The following MEIS1 variants were observed in gnomAD, a reference collection of about 807,000 sequenced individuals.
MEIS1 encodes Meis homeobox 1, also known as homeobox protein Meis1.
In MEIS1, 5 loss-of-function variants were observed where a neutral mutation model predicts 50.8. That is an observed-to-expected ratio of 0.10 (90% CI 0.05 to 0.21). The LOEUF (loss-of-function observed/expected upper bound fraction) is 0.21. Among genes scored for constraint, MEIS1 ranks in the 10% least tolerant of loss-of-function variants. The pLI is 1.00. For missense variants in MEIS1, 318 were observed against 517.3 expected (o/e 0.61, Z 3.74); for synonymous variants, 176 against 179.3 (o/e 0.98, Z 0.15).
intron 7 of MEIS1, among the ~76,000 whole-genome samples, chr2:66,500,626 T>C (rs537403901): frequency 6.6e-6 from 1 of 152,208 alleles, no homozygotes; most frequent in South Asian, 2.1e-4. Context: ...AGTTTCACCA[T>C]CTTGGCCAGG....
Position 66,512,207 on chromosome 2 carries a change from T to G in MEIS1, c.801T>G (p.Asp267Glu). The G allele has an allele frequency of 6.2e-7, 1 of 1,612,248 alleles. No homozygotes were observed. The highest frequency in any genetic ancestry group is 8.5e-7 in the Non-Finnish European group (1 of 1,179,120). The change falls in exon 8 of 13, where the codon GAT becomes GAG. Residue 267 changes from aspartate (D) to glutamate (E), a missense_variant. Physicochemically the swap from Asp to Glu is conservative, Grantham distance 45. This residue lies in a region of MEIS1 where 40 missense variants were observed against 102.8 expected (regional missense o/e 0.39). Transcript: ENST00000272369. Reference protein sequence around the residue: ...SPSTGDDDDPDKDKKRHKKRG... With the variant: ...SPSTGDDDDPEKDKKRHKKRG... ...GCACAGGTGACGATGATGACCCTGATAAGGACAAAAAGCGTCACAAAAAGC... is the reference window on the plus strand; with the variant it reads ...GCACAGGTGACGATGATGACCCTGAGAAGGACAAAAAGCGTCACAAAAAGC...
intron 9 of MEIS1, among the ~76,000 whole-genome samples, chr2:66,561,060 C>G (rs1465472860): frequency 6.6e-6 from 1 of 152,094 alleles, no homozygotes; most frequent in African/African-American, 2.4e-5. Flanking sequence ...TGAAGACCAA[C>G]AGTTATGGAT....
At chr2:66,536,340 A>G (rs2103905486) in intron 8 of MEIS1, among the ~76,000 whole-genome samples, 2 of 152,324 alleles carry the variant, frequency 1.3e-5, no homozygotes, top group Middle Eastern at 6.8e-3. Context: ...CTTCCCAAAC[A>G]TTATGTTCAC....
intron 7 of MEIS1, among the ~76,000 whole-genome samples, chr2:66,481,092 G>C (rs371678018): frequency 5.3e-5 from 8 of 152,170 alleles, no homozygotes; most frequent in African/African-American, 1.7e-4. Context: ...AGGCAAGTCT[G>C]CTGCCTCAGG....
intron 8 of MEIS1, among the ~76,000 whole-genome samples, chr2:66,542,855 AG>A (rs1296166782): frequency 6.6e-6 from 1 of 152,210 alleles, no homozygotes; most frequent in Non-Finnish European, 1.5e-5. Context: ...TTTGTAGCCA[AG>A]GGTGGAAATT....
At chr2:66,523,372 C>A (rs1196285165) in intron 8 of MEIS1, among the ~76,000 whole-genome samples, 1 of 152,184 alleles carries the variant, frequency 6.6e-6, no homozygotes, top group Non-Finnish European at 1.5e-5. Flanking sequence ...TAGAAACATT[C>A]TCCTATATTA....
At position 66,437,952 on chromosome 2, in the gene MEIS1, T is replaced by C; in HGVS notation, c.228T>C (p.Asp76=). The change falls in exon 2 of 13, where the codon GAT becomes GAC. Residue 76 remains aspartate, a synonymous_variant. Coordinates refer to ENST00000272369, the MANE Select transcript of MEIS1 (RefSeq NM_002398.3). Reference sequence around the variant, plus strand: ...ATGACGCTTTAAAGAGAGATAAAGATGCCATTTATGGGTAGGTACAATGGG... The same window carrying C: ...ATGACGCTTTAAAGAGAGATAAAGACGCCATTTATGGGTAGGTACAATGGG... ...SVNDALKRDK[D]AIYGHPLFPL... The C allele has an allele frequency of 6.4e-7, 1 of 1,572,658 alleles. No individual in the cohort carries two copies. The highest frequency in any genetic ancestry group is 8.6e-7 in the Non-Finnish European group (1 of 1,158,668).
intron 8 of MEIS1, among the ~76,000 whole-genome samples, chr2:66,516,123 G>T (rs1192714780): frequency 2.0e-5 from 3 of 152,004 alleles, no homozygotes; most frequent in African/African-American, 7.3e-5. Flanking sequence ...AAAAATCAAG[G>T]GTCTCTTTTC....
At chr2:66,569,275 T>G (rs1488159638) in intron 12 of MEIS1, 130 bp downstream of exon 12, 1 of 724,484 alleles carries the variant, frequency 1.4e-6, no homozygotes, top group Non-Finnish European at 2.2e-6. Flanking sequence ...GGTTTCTTGC[T>G]TCCATCATTT....
At chr2:66,470,222 G>A (rs1672733669) in intron 7 of MEIS1, among the ~76,000 whole-genome samples, 1 of 152,160 alleles carries the variant, frequency 6.6e-6, no homozygotes, top group Admixed American at 6.5e-5. Context: ...TTAGAGCATC[G>A]CAGCCCTGTG....
intron 6 of MEIS1, among the ~76,000 whole-genome samples, chr2:66,451,230 G>A (rs1335451091): frequency 3.3e-5 from 5 of 152,040 alleles, no homozygotes; most frequent in Admixed American, 6.6e-5. Flanking sequence ...TCCTCTAAAA[G>A]CCTAAATGTT....
chr2:66,525,345 G>A (rs943915975), intron 8 of MEIS1, among the ~76,000 whole-genome samples: 2 of 152,188 alleles, frequency 1.3e-5, no homozygotes, highest in African/African-American at 2.4e-5. Context: ...CTGAGATTCT[G>A]CATTTTCAGC....
At chr2:66,535,348 C>T (rs5006732) in intron 8 of MEIS1, among the ~76,000 whole-genome samples, 14,417 of 152,134 alleles carry the variant, frequency 0.095, 789 homozygotes, top group African/African-American at 0.15. Context: ...AAGCTATATA[C>T]AAATATAAGG....
At chr2:66,449,802 G>C (rs1672237571) in intron 6 of MEIS1, among the ~76,000 whole-genome samples, 1 of 152,088 alleles carries the variant, frequency 6.6e-6, no homozygotes, top group Non-Finnish European at 1.5e-5. Flanking sequence ...TAGAAAATAT[G>C]TTCTTGTTAA....
intron 6 of MEIS1, among the ~76,000 whole-genome samples, chr2:66,450,353 G>C (rs1223031989): frequency 6.6e-6 from 1 of 152,046 alleles, no homozygotes. Flanking sequence ...TGCACTTATA[G>C]TCTCAGCTAA....
At chr2:66,567,995 T>G (rs1303646426) in intron 10 of MEIS1, 1 of 211,164 alleles carries the variant, frequency 4.7e-6, no homozygotes, top group Non-Finnish European at 9.7e-6. Flanking sequence ...AGCTTACTTC[T>G]GAAGCAGCTT....
intron 9 of MEIS1, among the ~76,000 whole-genome samples, chr2:66,557,847 C>T (rs1165498630): frequency 1.3e-5 from 2 of 152,176 alleles, no homozygotes; most frequent in Admixed American, 1.3e-4. Flanking sequence ...AATTTCAGCA[C>T]CTAAACACTG....
At chr2:66,474,179 G>A (rs1337918855) in intron 7 of MEIS1, among the ~76,000 whole-genome samples, 1 of 151,808 alleles carries the variant, frequency 6.6e-6, no homozygotes. Flanking sequence ...CTTAAATCAT[G>A]CCATCCACCT....
chr2:66,524,956 C>G (rs1161445392), intron 8 of MEIS1, among the ~76,000 whole-genome samples: 1 of 152,094 alleles, frequency 6.6e-6, no homozygotes, highest in Non-Finnish European at 1.5e-5. Flanking sequence ...GCCTGTAATC[C>G]TAGCACTTTG....
Sources: gnomAD v4.1 joint callset for allele counts (sites outside exome capture counted in the v4.1 genomes callset) on GRCh38, gnomAD v4.1.1 for gene constraint, gnomAD v4.1.1 regional missense constraint, MANE v1.5 for transcripts, NCBI Gene and HGNC (gene_info 2026-07-23, HGNC 2026-07-21) for gene names.